The following LTBP2 variants were observed in gnomAD, a reference collection of about 807,000 sequenced individuals.
LTBP2 encodes latent-transforming growth factor beta-binding protein 2.
In LTBP2, 103 loss-of-function variants were observed where a neutral mutation model predicts 210.6. That is an observed-to-expected ratio of 0.49 (90% CI 0.42 to 0.58). LTBP2 has a LOEUF of 0.58. Among genes scored for constraint, LTBP2 ranks in the 20% least tolerant of loss-of-function variants. The probability of loss-of-function intolerance (pLI) is 0.00; values close to 1 mark genes in which losing one functional copy is unlikely to be tolerated. For missense variants in LTBP2, 2,313 were observed against 2,494.5 expected (o/e 0.93, Z 1.55); for synonymous variants, 1,007 against 1,015.0 (o/e 0.99, Z 0.15).
intron 2 of LTBP2, among the ~76,000 whole-genome samples, chr14:74,596,693 T>C (rs1455583861): frequency 6.6e-6 from 1 of 152,116 alleles, no homozygotes; most frequent in Non-Finnish European, 1.5e-5. Context: ...ACTGAGGAAG[T>C]AAAACAAACA....
chr14:74,502,611 C>T lies in LTBP2; in HGVS notation c.5170+42G>A, dbSNP rs770418564. On this transcript the variant is annotated intron_variant, in intron 34 of 35. Transcript: ENST00000261978. ...GGTGGAGGAGATGGAAGTGAAACAG[C>T]TTTGGTGCCCACCTCTTCCCCAGTT... 3 of 1,613,904 alleles carry T rather than the reference C, an allele frequency of 1.9e-6. No individual in the cohort carries two copies. The South Asian group carries it at 3.3e-5, about 18-fold the overall frequency.
In LTBP2 at chr14:74,586,708, C is replaced by T. The variant is rs182267152; in HGVS notation, c.566-590G>A. On this transcript the variant is annotated intron_variant, in intron 2 of 35. Coordinates refer to ENST00000261978, the MANE Select transcript of LTBP2 (RefSeq NM_000428.3). The surrounding 1 kb of genome is among the most constrained non-coding windows in gnomAD (Gnocchi z 4.6). ...GGGGTGAACTAAGGAGGCTGGAGGACTCTAAGGGTCCTTCAAAGGCACCTT... is the reference window on the plus strand; with the variant it reads ...GGGGTGAACTAAGGAGGCTGGAGGATTCTAAGGGTCCTTCAAAGGCACCTT... Among the ~76,000 whole-genome samples, 217 of 152,290 alleles carry T rather than the reference C, an allele frequency of 1.4e-3. 1 individual carries two copies. The highest frequency in any genetic ancestry group is 5.0e-3 in the African/African-American group (206 of 41,550).
At chr14:74,581,682 G>A (rs554277393) in intron 3 of LTBP2, among the ~76,000 whole-genome samples, 2 of 152,294 alleles carry the variant, frequency 1.3e-5, no homozygotes, top group Non-Finnish European at 1.5e-5. Flanking sequence ...AGAGCCCCAG[G>A]AGCCTGCTGA....
At chr14:74,508,997 C>G in intron 22 of LTBP2, 45 bp from the exon 23 acceptor site, 2 of 1,610,048 alleles carry the variant, frequency 1.2e-6, no homozygotes, top group Non-Finnish European at 1.7e-6. Flanking sequence ...GGCAGCACCT[C>G]CCAAGGACAG....
intron 1 of LTBP2, among the ~76,000 whole-genome samples, chr14:74,607,944 C>A (rs1285733619): frequency 1.4e-5 from 2 of 147,982 alleles, no homozygotes; most frequent in Non-Finnish European, 3.0e-5. Context: ...GACGGAGTCT[C>A]GCTCTGTCGC....
intron 3 of LTBP2, among the ~76,000 whole-genome samples, chr14:74,564,125 T>A (rs866688243): frequency 6.2e-5 from 1 of 16,158 alleles, no homozygotes; most frequent in African/African-American, 2.5e-4. Flanking sequence ...ATATATATAT[T>A]TATATATATA....
intron 3 of LTBP2, among the ~76,000 whole-genome samples, chr14:74,566,566 C>G (rs2087904702): frequency 6.6e-6 from 1 of 152,142 alleles, no homozygotes; most frequent in Non-Finnish European, 1.5e-5. Flanking sequence ...TCCTGTCTGG[C>G]CAGGCAGGCC....
At chr14:74,563,585 T>C (rs1199881913) in intron 3 of LTBP2, among the ~76,000 whole-genome samples, 1 of 152,194 alleles carries the variant, frequency 6.6e-6, no homozygotes, top group Non-Finnish European at 1.5e-5. Context: ...TTGTACAGAC[T>C]ATGACCTAAC....
intron 25 of LTBP2, 85 bp downstream of exon 25, chr14:74,507,888 T>G (rs1160749676): frequency 6.3e-7 from 1 of 1,585,234 alleles, no homozygotes. Flanking sequence ...TGGAAAGTGC[T>G]CTGCTCCATG....
intron 3 of LTBP2, among the ~76,000 whole-genome samples, chr14:74,567,091 G>A (rs1010540942): frequency 1.3e-5 from 2 of 152,214 alleles, no homozygotes; most frequent in African/African-American, 4.8e-5. Context: ...CCTGTTTCAG[G>A]CAGGGAGACG....
intron 30 of LTBP2, 36 bp from the exon 31 acceptor site, chr14:74,504,090 G>A (rs775429354): frequency 6.2e-7 from 1 of 1,610,172 alleles, no homozygotes; most frequent in Middle Eastern, 1.7e-4. Context: ...AGGAAGGTGA[G>A]AGGCAGTATG....
chr14:74,598,151 C>G lies in LTBP2; in HGVS notation c.565+5484G>C, dbSNP rs571962029. Among the ~76,000 whole-genome samples the G allele has an allele frequency of 6.6e-5, 10 of 152,336 alleles. No individual in the cohort carries two copies. The South Asian group carries it at 1.9e-3, about 28-fold the overall frequency. On this transcript the variant is annotated intron_variant, in intron 2 of 35. Coordinates refer to ENST00000261978, the MANE Select transcript of LTBP2 (RefSeq NM_000428.3). Reference sequence around the variant, plus strand: ...GGGTTTGAACTCAGGGAGCCTGACTCCAAAGCTGGGGCTCTTAGCCACCTT... The same window carrying G: ...GGGTTTGAACTCAGGGAGCCTGACTGCAAAGCTGGGGCTCTTAGCCACCTT...
In LTBP2 at chr14:74,611,951, G is replaced by T; in HGVS notation, c.-7C>A. On this transcript the variant is annotated 5_prime_UTR_variant, in exon 1 of 36. Coordinates refer to ENST00000261978, the MANE Select transcript of LTBP2 (RefSeq NM_000428.3). ...CTTTGGTCCGCGGCCTCATGGCGCG[G>T]GGCGGCTGGAGAGTGGTGCGCGCGG... is the stretch of plus-strand genomic sequence containing the variant. 6.4e-7 allele frequency: 1 copy of T among 1,571,122 alleles called. No homozygotes were observed. The highest frequency in any genetic ancestry group is 2.3e-5 in the East Asian group (1 of 43,698).
intron 3 of LTBP2, among the ~76,000 whole-genome samples, chr14:74,577,276 G>A (rs553824909): frequency 1.4e-4 from 22 of 152,310 alleles, no homozygotes; most frequent in African/African-American, 5.3e-4. Flanking sequence ...ACCCCGCAGA[G>A]AAAGAGAACT....
intron 8 of LTBP2, among the ~76,000 whole-genome samples, chr14:74,544,402 T>C (rs758112815): frequency 7.9e-5 from 12 of 152,186 alleles, no homozygotes; most frequent in Non-Finnish European, 1.5e-4. Flanking sequence ...ATGGGGATAA[T>C]AGCACCCAAC....
At chr14:74,513,213 G>A (rs768471891) in intron 18 of LTBP2, among the ~76,000 whole-genome samples, 7 of 152,184 alleles carry the variant, frequency 4.6e-5, no homozygotes, top group Non-Finnish European at 1.0e-4. Context: ...TCTTAATGCT[G>A]GGCATTTAGG....
At chr14:74,597,732 T>C (rs968476260) in intron 2 of LTBP2, among the ~76,000 whole-genome samples, 3 of 152,152 alleles carry the variant, frequency 2.0e-5, no homozygotes, top group African/African-American at 4.8e-5. Flanking sequence ...GCACCCTACA[T>C]ATCAGCTGGG....
intron 16 of LTBP2, among the ~76,000 whole-genome samples, chr14:74,522,475 C>A (rs1411621661): frequency 2.0e-5 from 3 of 152,120 alleles, no homozygotes; most frequent in Non-Finnish European, 4.4e-5. Flanking sequence ...GCTCTCCAGG[C>A]AGCAAAATGG....
chr14:74,539,284 G>A (rs779311162), intron 8 of LTBP2, among the ~76,000 whole-genome samples: 2 of 152,204 alleles, frequency 1.3e-5, no homozygotes, highest in African/African-American at 2.4e-5. Flanking sequence ...GGTTGAAATC[G>A]GGCCTCTAGC....
Sources: allele counts gnomAD v4.1 joint callset (sites outside exome capture counted in the v4.1 genomes callset), GRCh38; gene constraint gnomAD v4.1.1; non-coding constraint Gnocchi (gnomAD v3.1); transcripts MANE v1.5; gene names NCBI Gene and HGNC (gene_info 2026-07-23, HGNC 2026-07-21).